Variants in LYPD6B observed in about 807,000 individuals in gnomAD.
LYPD6B encodes ly6/PLAUR domain-containing protein 6B.
Under a neutral mutation model 22.8 loss-of-function variants are expected in LYPD6B, and 17 were observed. That is an observed-to-expected ratio of 0.75 (90% confidence interval 0.51 to 1.12). The LOEUF (loss-of-function observed/expected upper bound fraction) is 1.12, where lower values mean the gene tolerates loss of function less well. LYPD6B is among the 50% of genes most tolerant of loss of function. The pLI is 0.00. For missense variants in LYPD6B, 221 were observed against 258.3 expected, an observed-to-expected ratio of 0.86 and a Z score of 0.99; for synonymous variants, 106 against 91.6, an observed-to-expected ratio of 1.16 and a Z score of -0.90.
intron 1 of LYPD6B, among the ~76,000 whole-genome samples, chr2:149,084,097 T>G (rs947882222): frequency 1.6e-5 from 2 of 128,194 alleles, no homozygotes; most frequent in Non-Finnish European, 3.5e-5. Flanking sequence ...AGACTCCATC[T>G]CAAAAATAAA....
At chr2:149,136,271 C>T (rs1453963487) in intron 2 of LYPD6B, among the ~76,000 whole-genome samples, 4 of 152,138 alleles carry the variant, frequency 2.6e-5, no homozygotes, top group African/African-American at 7.2e-5. Flanking sequence ...GTGCTAAGTG[C>T]CTGAAAGTAT....
chr2:149,112,309 C>T (rs927524774), intron 1 of LYPD6B, among the ~76,000 whole-genome samples: 2 of 152,104 alleles, frequency 1.3e-5, no homozygotes, highest in Non-Finnish European at 2.9e-5. Flanking sequence ...CCCTTTATAA[C>T]TTTATATGCT....
At chr2:149,070,555 G>A (rs1019933201) in intron 1 of LYPD6B, among the ~76,000 whole-genome samples, 2 of 152,166 alleles carry the variant, frequency 1.3e-5, no homozygotes, top group African/African-American at 4.8e-5. Flanking sequence ...ATCATCATAA[G>A]TGCTCAATAA....
At chr2:149,100,675 T>C (rs1477216100) in intron 1 of LYPD6B, among the ~76,000 whole-genome samples, 4 of 152,170 alleles carry the variant, frequency 2.6e-5, no homozygotes, top group African/African-American at 9.7e-5. Flanking sequence ...TCCCTTCAAC[T>C]CCCACTGGTC....
intron 3 of LYPD6B, among the ~76,000 whole-genome samples, chr2:149,170,608 A>G (rs978789841): frequency 6.6e-6 from 1 of 152,206 alleles, no homozygotes; most frequent in Non-Finnish European, 1.5e-5. Flanking sequence ...ATTTATATTT[A>G]TTACAGATCT....
At chr2:149,067,475 A>G (rs1001258987) in intron 1 of LYPD6B, among the ~76,000 whole-genome samples, 3 of 151,980 alleles carry the variant, frequency 2.0e-5, no homozygotes, top group Non-Finnish European at 2.9e-5. Context: ...GTAAAAAGCA[A>G]TTTACCCCTC....
chr2:149,136,238 G>C (rs987682737), intron 2 of LYPD6B, among the ~76,000 whole-genome samples: 13 of 152,216 alleles, frequency 8.5e-5, no homozygotes, highest in African/African-American at 3.1e-4. Context: ...CATTACTTCA[G>C]AAGTTACATT....
intron 1 of LYPD6B, among the ~76,000 whole-genome samples, chr2:149,088,879 T>C (rs1470989900): frequency 3.3e-5 from 5 of 152,044 alleles, no homozygotes; most frequent in Admixed American, 3.3e-4. Flanking sequence ...AAATACACAA[T>C]TTGAGCCTTT....
intron 2 of LYPD6B, chr2:149,141,893 T>C (rs968857112): frequency 1.3e-5 from 2 of 152,222 alleles, no homozygotes; most frequent in African/African-American, 4.8e-5. Context: ...TTGCTTGCAG[T>C]CTTTGGTGTT....
intron 5 of LYPD6B, among the ~76,000 whole-genome samples, chr2:149,212,629 A>G (rs759787577): frequency 3.3e-5 from 5 of 152,116 alleles, no homozygotes; most frequent in African/African-American, 4.8e-5. Context: ...TTTATTTTAG[A>G]TTTCGAGAAC....
Position 149,205,466 on chromosome 2 carries a change from C to A in LYPD6B, c.229+62C>A, listed in dbSNP as rs1267106339. ...TGGGGCCAGAGTGTTAATATGAAGCCCCCTTTTCCATTTATTGTAACTTCG... is the reference window on the plus strand; with the variant it reads ...TGGGGCCAGAGTGTTAATATGAAGCACCCTTTTCCATTTATTGTAACTTCG... On this transcript the variant is annotated intron_variant, in intron 4 of 6. Coordinates refer to ENST00000409642, the MANE Select transcript of LYPD6B (RefSeq NM_177964.5). 4.0e-6 allele frequency: 6 copies of A among 1,518,464 alleles called. No homozygotes were observed. In the East Asian group the frequency reaches 6.8e-5, roughly 17 times the overall value. 94.1% of individuals were successfully genotyped at this position (1,518,464 alleles called of 1,614,324 possible).
chr2:149,140,405 A>G (rs984659457), intron 2 of LYPD6B, among the ~76,000 whole-genome samples: 30 of 152,188 alleles, frequency 2.0e-4, no homozygotes, highest in African/African-American at 7.0e-4. Context: ...TTCTGTCCCC[A>G]TGATTCCCTC....
At chr2:149,079,261 T>C (rs913306458) in intron 1 of LYPD6B, among the ~76,000 whole-genome samples, 3 of 152,090 alleles carry the variant, frequency 2.0e-5, no homozygotes, top group Non-Finnish European at 4.4e-5. Context: ...AATGAGAGCA[T>C]TTCTGTTTCA....
chr2:149,198,532 AC>A (rs2106107147), intron 3 of LYPD6B, among the ~76,000 whole-genome samples: 1 of 152,334 alleles, frequency 6.6e-6, no homozygotes, highest in East Asian at 1.9e-4. Flanking sequence ...AATTGATTAG[AC>A]TGTTTCTCCA....
At chr2:149,165,988 C>T (rs1690396457) in intron 3 of LYPD6B, among the ~76,000 whole-genome samples, 1 of 152,158 alleles carries the variant, frequency 6.6e-6, no homozygotes, top group Admixed American at 6.5e-5. Context: ...TCCCATGGAA[C>T]ACACAGTAAT....
At chr2:149,146,291 C>G (rs975357064) in intron 2 of LYPD6B, among the ~76,000 whole-genome samples, 1 of 151,918 alleles carries the variant, frequency 6.6e-6, no homozygotes, top group Non-Finnish European at 1.5e-5. Flanking sequence ...GCCAGGCTCT[C>G]CAGGCTGAGT....
In LYPD6B at chr2:149,160,811, T is replaced by A; in HGVS notation, c.53T>A (p.Leu18Gln). Residue 18 changes from leucine (L) to glutamine (Q), a missense_variant, in exon 3 of 7, where the codon CTG becomes CAG. Transcript: ENST00000409642. ...CTTTTCACTGTTCCAGAGAGGAGCC[T>A]GACAACCACATTCTCCTTCTCAAGG... ...ANLFTVPERSLTTTFSFSRYK... is the reference protein window; with the variant it reads ...ANLFTVPERSQTTTFSFSRYK... The A allele has an allele frequency of 6.4e-7, 1 of 1,555,336 alleles. No individual in the cohort carries two copies. The highest frequency in any genetic ancestry group is 8.7e-7 in the Non-Finnish European group (1 of 1,148,268).
At chr2:149,088,543 G>A (rs911517143) in intron 1 of LYPD6B, among the ~76,000 whole-genome samples, 7 of 152,178 alleles carry the variant, frequency 4.6e-5, no homozygotes, top group Admixed American at 3.3e-4. Flanking sequence ...GCAAGTCCCA[G>A]CCACACTGTC....
At chr2:149,155,901 G>A (rs1443543300) in intron 2 of LYPD6B, among the ~76,000 whole-genome samples, 11 of 152,182 alleles carry the variant, frequency 7.2e-5, no homozygotes, top group Admixed American at 7.2e-4. Context: ...AGGAAAAAGC[G>A]ATTATTTATG....
Sources: allele counts gnomAD v4.1 joint callset (sites outside exome capture counted in the v4.1 genomes callset), GRCh38; gene constraint gnomAD v4.1.1; transcripts MANE v1.5; gene names NCBI Gene and HGNC (gene_info 2026-07-23, HGNC 2026-07-21).